PHF21A: variants seen among roughly 807,000 people sequenced by gnomAD.
PHF21A encodes the protein PHD finger protein 21A.
A neutral mutation model predicts 82.5 loss-of-function variants in PHF21A; 11 were observed. That is an observed-to-expected ratio of 0.13 (90% CI 0.08 to 0.22). The LOEUF is 0.22. Ranked by LOEUF, PHF21A falls within the 10% of genes least tolerant of loss-of-function variation. PHF21A has a pLI of 1.00. For synonymous variants in PHF21A, 297 were observed against 302.8 expected (o/e 0.98, Z 0.20); for missense variants, 579 against 837.8 (o/e 0.69, Z 3.81).
intron 6 of PHF21A, among the ~76,000 whole-genome samples, chr11:45,987,739 T>C (rs1476620513): frequency 2.0e-5 from 3 of 150,516 alleles, no homozygotes; most frequent in South Asian, 4.2e-4. Context: ...TAGAGGCTAT[T>C]AATTTGTAAA....
chr11:46,040,890 G>GACACACACACAC (rs35673374), intron 6 of PHF21A, among the ~76,000 whole-genome samples: 27 of 137,222 alleles, frequency 2.0e-4, no homozygotes, highest in African/African-American at 6.0e-4. Flanking sequence ...CTGACAGGAA[G>GACACACACACAC]ACACACACAC....
At chr11:46,099,851 C>G (rs917553568) in intron 1 of PHF21A, among the ~76,000 whole-genome samples, 1 of 152,154 alleles carries the variant, frequency 6.6e-6, no homozygotes, top group African/African-American at 2.4e-5. Context: ...TCTGACTATA[C>G]AGGTTTAGCT....
intron 5 of PHF21A, among the ~76,000 whole-genome samples, chr11:46,077,913 A>G (rs2135034038): frequency 6.6e-6 from 1 of 152,114 alleles, no homozygotes; most frequent in East Asian, 1.9e-4. Flanking sequence ...CTAATTTATT[A>G]TTTATTTATT....
At chr11:46,079,685 A>T (rs2096766828) in intron 4 of PHF21A, among the ~76,000 whole-genome samples, 1 of 152,220 alleles carries the variant, frequency 6.6e-6, no homozygotes, top group Non-Finnish European at 1.5e-5. Flanking sequence ...GGATAAGTTC[A>T]GTGGGGCAGT....
chr11:45,935,739 GCTA>G lies in PHF21A; in HGVS notation c.1685-3_1685-1del, dbSNP rs778410992. On this transcript the variant is annotated splice_acceptor_variant and splice_polypyrimidine_tract_variant and intron_variant, in intron 17 of 18. Transcript: ENST00000676320. LOFTEE classifies it high-confidence loss of function. ...TAACTTCTGTTTCTCTTCTTCTTTTGCTAAAAAAAAAAAAAAAAAAAAAAAGGA... is the reference window on the plus strand; with the variant it reads ...TAACTTCTGTTTCTCTTCTTCTTTTGAAAAAAAAAAAAAAAAAAAAAAGGA... The G allele has an allele frequency of 8.7e-6, 4 of 459,552 alleles. No homozygotes were observed. The highest frequency in any genetic ancestry group is 4.8e-5 in the South Asian group (1 of 20,644). 28.5% of individuals were successfully genotyped at this position (459,552 alleles called of 1,614,324 possible).
intron 6 of PHF21A, among the ~76,000 whole-genome samples, chr11:46,054,880 T>G (rs757811418): frequency 3.3e-5 from 5 of 152,150 alleles, no homozygotes; most frequent in Non-Finnish European, 7.4e-5. Context: ...TTTTAACCAG[T>G]AACGACTAGG....
intron 6 of PHF21A, among the ~76,000 whole-genome samples, chr11:46,025,137 C>T (rs1007322498): frequency 1.5e-4 from 22 of 151,286 alleles, no homozygotes; most frequent in African/African-American, 5.1e-4. Flanking sequence ...ATAACAGTGA[C>T]AGGAATATGT....
intron 6 of PHF21A, among the ~76,000 whole-genome samples, chr11:45,990,247 CTTCT>C (rs1565431224): frequency 8.7e-6 from 1 of 115,286 alleles, no homozygotes; most frequent in Non-Finnish European, 1.7e-5. Context: ...GCATTTTCAT[CTTCT>C]TTTTTTTTTT....
intron 6 of PHF21A, among the ~76,000 whole-genome samples, chr11:46,028,241 G>A (rs1169850758): frequency 1.3e-5 from 2 of 152,070 alleles, no homozygotes; most frequent in African/African-American, 4.8e-5. Flanking sequence ...CAATTTTCAA[G>A]TACATGTACT....
At chr11:46,086,417 C>T (rs2096858547) in intron 3 of PHF21A, among the ~76,000 whole-genome samples, 1 of 152,146 alleles carries the variant, frequency 6.6e-6, no homozygotes, top group South Asian at 2.1e-4. Context: ...CCGCACCCAG[C>T]CAGCTATTAT....
intron 15 of PHF21A, among the ~76,000 whole-genome samples, chr11:45,945,516 T>C (rs1370591655): frequency 6.6e-6 from 1 of 152,196 alleles, no homozygotes; most frequent in African/African-American, 2.4e-5. Context: ...ACACTGATGA[T>C]AGAAACCTGC....
chr11:46,047,290 G>A (rs2096272114), intron 6 of PHF21A, among the ~76,000 whole-genome samples: 2 of 152,180 alleles, frequency 1.3e-5, no homozygotes, highest in African/African-American at 4.8e-5. Context: ...AGTGACATAA[G>A]TGGTTACTAT....
chr11:45,945,221 G>C (rs2091107859), intron 15 of PHF21A, among the ~76,000 whole-genome samples: 1 of 152,218 alleles, frequency 6.6e-6, no homozygotes, highest in South Asian at 2.1e-4. Flanking sequence ...GTAGCGCTCA[G>C]TGAGTATCTG....
rs578237361 is a variant in PHF21A, at chr11:46,093,267, C to T, written c.-236-1044G>A. Among the ~76,000 whole-genome samples the T allele has an allele frequency of 1.4e-4, 21 of 152,252 alleles. No homozygotes were observed. In the South Asian group the frequency reaches 4.1e-3, roughly 30 times the overall value. ...CTATGCTCTAAAACTACATGTCTTCCTTTTGCCTTAAATATGGTGTTTGTT... is the reference window on the plus strand; with the variant it reads ...CTATGCTCTAAAACTACATGTCTTCTTTTTGCCTTAAATATGGTGTTTGTT... On this transcript the variant is annotated intron_variant, in intron 1 of 18. Transcript: ENST00000676320.
chr11:46,032,013 A>G (rs562166063), intron 6 of PHF21A, among the ~76,000 whole-genome samples: 2 of 152,290 alleles, frequency 1.3e-5, no homozygotes, highest in African/African-American at 4.8e-5. Flanking sequence ...TTATTAGCTG[A>G]TAATTTAAAA....
chr11:45,971,882 T>TCTTC (rs2093766078), intron 7 of PHF21A, among the ~76,000 whole-genome samples: 1 of 72,262 alleles, frequency 1.4e-5, no homozygotes, highest in Non-Finnish European at 2.5e-5. Context: ...GACAGTGTCT[T>TCTTC]TTTCTTTCTT....
At chr11:45,981,672 T>C (rs1591559360) in intron 6 of PHF21A, among the ~76,000 whole-genome samples, 1 of 152,010 alleles carries the variant, frequency 6.6e-6, no homozygotes, top group Non-Finnish European at 1.5e-5. Flanking sequence ...ATATAGATTA[T>C]GAATGAAGAA....
At chr11:45,952,976 C>G (rs1321238521) in intron 11 of PHF21A, among the ~76,000 whole-genome samples, 1 of 152,146 alleles carries the variant, frequency 6.6e-6, no homozygotes, top group African/African-American at 2.4e-5. Flanking sequence ...TAATTCTATC[C>G]TAAATTATAG....
intron 6 of PHF21A, among the ~76,000 whole-genome samples, chr11:45,999,134 T>C (rs1405981095): frequency 1.3e-5 from 2 of 152,160 alleles, no homozygotes; most frequent in Non-Finnish European, 2.9e-5. Context: ...GCCAGAACCC[T>C]ACCATTTCTT....
Sources: allele counts gnomAD v4.1 joint callset (sites outside exome capture counted in the v4.1 genomes callset), GRCh38; gene constraint gnomAD v4.1.1; transcripts MANE v1.5; gene names NCBI Gene and HGNC (gene_info 2026-07-23, HGNC 2026-07-21).